The following COL11A2 variants were observed in gnomAD, a reference collection of about 807,000 sequenced individuals.
COL11A2 encodes the protein collagen type XI alpha 2 chain, also known as collagen alpha-2(XI) chain.
Under a neutral mutation model 273.4 loss-of-function variants are expected in COL11A2, and 116 were observed. That is an observed-to-expected ratio of 0.42 (90% CI 0.36 to 0.49). COL11A2 has a LOEUF of 0.49. Among genes scored for constraint, COL11A2 ranks in the 20% least tolerant of loss-of-function variants. COL11A2 has a pLI of 0.00. For synonymous variants in COL11A2, 782 were observed against 864.2 expected (o/e 0.90, Z 1.67); for missense variants, 1,866 against 2,309.0 (o/e 0.81, Z 3.93).
In COL11A2 at chr6:33,179,640, C is replaced by T; in HGVS notation, c.1446+79G>A. Reference sequence around the variant, plus strand: ...TTAACCCCAAACCAACCCAGGCCTCCCCTGCCGCACACTCACTCCAGCCAA... The same window carrying T: ...TTAACCCCAAACCAACCCAGGCCTCTCCTGCCGCACACTCACTCCAGCCAA... On this transcript the variant is annotated intron_variant, in intron 13 of 65. Coordinates refer to ENST00000341947, the MANE Select transcript of COL11A2 (RefSeq NM_080680.3). This position sits in a 1 kb window ranked among gnomAD's most constrained non-coding sequence, Gnocchi z 6.4. 1 of 1,554,570 alleles carries T rather than the reference C, an allele frequency of 6.4e-7. No individual in the cohort carries two copies. The highest frequency in any genetic ancestry group is 8.8e-7 in the Non-Finnish European group (1 of 1,136,886).
rs756211945 is a variant in COL11A2 at position 33,169,577 on chromosome 6, C to A, written c.3691-87G>T. 63 of 1,297,436 alleles carry A rather than the reference C, an allele frequency of 4.9e-5. No individual in the cohort carries two copies. The Admixed American group carries it at 8.1e-4, about 17-fold the overall frequency. The allele number at this position is 1,297,436 out of a possible 1,614,324, so 80.4% of individuals were successfully genotyped here. A position where few individuals can be genotyped will look rare whatever the true frequency, so the allele number is the denominator to read the frequency against. On this transcript the variant is annotated intron_variant, in intron 50 of 65. Transcript: ENST00000341947. The surrounding 1 kb of genome is among the most constrained non-coding windows in gnomAD (Gnocchi z 5.5). ...CTGCTTCCGAGACACCTTCAGCCAT[C>A]CCCTACTCCCCTCAGTGACAATGGG...
chr6:33,163,264 CCT>C lies in COL11A2; in HGVS notation c.*412_*413del, dbSNP rs1372420765. ...GGTGCCGGAGCCCACCCCCGAGACC[CCT>C]GTCTTCAACATCTGCTGATTTTTGT... is the stretch of plus-strand genomic sequence containing the variant. On this transcript the variant is annotated 3_prime_UTR_variant, in exon 66 of 66. Coordinates refer to ENST00000341947, the MANE Select transcript of COL11A2 (RefSeq NM_080680.3). The surrounding 1 kb of genome is among the most constrained non-coding windows in gnomAD (Gnocchi z 4.1). 4 of 223,280 alleles carry C rather than the reference CCT, an allele frequency of 1.8e-5. No homozygotes were observed. Among genetic ancestry groups the C allele is most frequent in the African/African-American group, 4.6e-5 (2 of 43,546 alleles). 13.8% of individuals were successfully genotyped at this position (223,280 alleles called of 1,614,324 possible).
chr6:33,184,392 C>A, intron 7 of COL11A2, 68 bp from the exon 8 acceptor site: 1 of 1,148,780 alleles, frequency 8.7e-7, no homozygotes, highest in South Asian at 1.3e-5. Flanking sequence ...TTACCCTGGA[C>A]CCCAGGGTGT....
At position 33,180,327 on chromosome 6, in the gene COL11A2, G is replaced by C. The variant is rs1289320933; in HGVS notation, c.1290C>G (p.Pro430=). ...ATCCAGGGAGCCCTGCTCGGCCAGGGGGGCCCTGGAGTGGGAAGAGAATGC... is the reference window on the plus strand; with the variant it reads ...ATCCAGGGAGCCCTGCTCGGCCAGGCGGGCCCTGGAGTGGGAAGAGAATGC... ...GPVGDPGERG[P]PGRAGLPGSD... Residue 430 remains proline, a synonymous_variant, in exon 12 of 66, where the codon CCC becomes CCG. Coordinates refer to ENST00000341947, the MANE Select transcript of COL11A2 (RefSeq NM_080680.3). 12 of 1,612,558 alleles carry C rather than the reference G, an allele frequency of 7.4e-6. 1 individual carries two copies. The highest frequency in any genetic ancestry group is 1.0e-5 in the Non-Finnish European group (12 of 1,179,980).
rs1243056196 is a variant in COL11A2 at position 33,167,529 on chromosome 6, T to A, written c.4019A>T (p.Asp1340Val). The part of the protein sequence containing the change: ...GRQGGKGAKG[D>V]PGAIGAPGKT... ...CCCCGGGGCACCTATAGCGCCAGGA[T>A]CTCCCTGAAACACACACAAGGAATG... The change falls in exon 56 of 66, where the codon GAT becomes GTT. Residue 1340 changes from aspartate to valine, a missense_variant. Coordinates refer to ENST00000341947, the MANE Select transcript of COL11A2 (RefSeq NM_080680.3). The surrounding 1 kb of genome is among the most constrained non-coding windows in gnomAD (Gnocchi z 6.1). 1.9e-6 allele frequency: 3 copies of A among 1,612,642 alleles called. No homozygotes were observed. The Admixed American group carries it at 5.0e-5, about 27-fold the overall frequency.
At position 33,178,704 on chromosome 6, in the gene COL11A2, C is replaced by T. The variant is rs781378391; in HGVS notation, c.1694G>A (p.Gly565Glu). Residue 565 changes from glycine (G) to glutamate (E), a missense_variant, in exon 18 of 66, where the codon GGG becomes GAG. Physicochemically the swap from Gly to Glu is moderately conservative, Grantham distance 98 (BLOSUM62 -2). Transcript: ENST00000341947. This position sits in a 1 kb window ranked among gnomAD's most constrained non-coding sequence, Gnocchi z 4.6. ...CCTATGGCCCTTCTCTCCAGGGAGC[C>T]CTGGGAGTCCATCAAAACCTCGGTC... ...KGDRGFDGLP[G>E]LPGEKGHRGD... The T allele has an allele frequency of 6.8e-6, 11 of 1,612,796 alleles. No homozygotes were observed. Among genetic ancestry groups the T allele is most frequent in the Non-Finnish European group, 8.5e-6 (10 of 1,179,942 alleles).
rs778272338 is a variant in COL11A2 at position 33,173,026 on chromosome 6, T to C, written c.2790+34A>G. 1.9e-6 allele frequency: 3 copies of C among 1,605,284 alleles called. No homozygotes were observed. In the East Asian group the frequency reaches 6.7e-5, roughly 36 times the overall value. On this transcript the variant is annotated intron_variant, in intron 38 of 65. Transcript: ENST00000341947. The surrounding 1 kb of genome is among the most constrained non-coding windows in gnomAD (Gnocchi z 6.3). ...AGGGGCAGACAGACTAATGCTAGGG[T>C]CAGGGGTCCATTCTCTCCTAGGGAC...
At chr6:33,184,606 A>C (rs1431548712) in intron 7 of COL11A2, among the ~76,000 whole-genome samples, 1 of 152,214 alleles carries the variant, frequency 6.6e-6, no homozygotes, top group East Asian at 1.9e-4. Flanking sequence ...TGGACAGTCC[A>C]TGGACACAAT....
In COL11A2 at chr6:33,164,245, A is replaced by G. The variant is rs781705149; in HGVS notation, c.5070+22T>C. 1.7e-5 allele frequency: 27 copies of G among 1,612,048 alleles called. No individual in the cohort carries two copies. The highest frequency in any genetic ancestry group is 2.0e-5 in the Non-Finnish European group (24 of 1,179,720). On this transcript the variant is annotated intron_variant, in intron 65 of 65. Coordinates refer to ENST00000341947, the MANE Select transcript of COL11A2 (RefSeq NM_080680.3). The surrounding 1 kb of genome is among the most constrained non-coding windows in gnomAD (Gnocchi z 4.7). ...AGCCTGAGTCTGAGATCAGCCCCCA[A>G]CCCAGCTCTTCCTGTTCCCACCTGG...
At position 33,185,041 on chromosome 6, in the gene COL11A2, C is replaced by G. The variant is rs1347310640; in HGVS notation, c.890G>C (p.Gly297Ala). 1 of 1,551,216 alleles carries G rather than the reference C, an allele frequency of 6.4e-7. No homozygotes were observed. Among genetic ancestry groups the G allele is most frequent in the Non-Finnish European group, 8.7e-7 (1 of 1,146,790 alleles). Reference protein sequence around the residue: ...TTPDYQDPTPGEEEEILESSL... With the variant: ...TTPDYQDPTPAEEEEILESSL... ...CGACTCCAGGATTTCTTCCTCTTCA[C>G]CTGGGGTGGGGTCCTGACCCCAAGG... is the stretch of plus-strand genomic sequence containing the variant. The change falls in exon 7 of 66, where the codon GGT becomes GCT. Residue 297 changes from glycine to alanine, a missense_variant. Coordinates refer to ENST00000341947, the MANE Select transcript of COL11A2 (RefSeq NM_080680.3).
Position 33,188,451 on chromosome 6 carries a change from G to A in COL11A2, c.517C>T (p.Arg173Trp), listed in dbSNP as rs146522169. 1.1e-4 allele frequency: 182 copies of A among 1,612,982 alleles called. No individual in the cohort carries two copies. The African/African-American group carries it at 1.3e-3, about 11-fold the overall frequency. The change falls in exon 4 of 66, where the codon CGG becomes TGG. Residue 173 changes from arginine to tryptophan, a missense_variant. Coordinates refer to ENST00000341947, the MANE Select transcript of COL11A2 (RefSeq NM_080680.3). ...LIVDCKKRVT[R>W]PLPRSARPVL... is the part of the protein sequence containing the mutation. ...GGACGAGCACTTCGGGGGAGAGGCC[G>A]GGTGACTCGCTTCTTGCAGTCAACA...
chr6:33,173,735 C>T lies in COL11A2; in HGVS notation c.2594G>A (p.Gly865Asp), dbSNP rs2150557612. 6.3e-7 allele frequency: 1 copy of T among 1,587,846 alleles called. No individual in the cohort carries two copies. ...AGGGGGCCCATGGGGGCCATCACCA[C>T]CAGATGTTCCCTGTGGGGGGAAACA... ...TGKSGAKGTS[G>D]GDGPHGPPGE... Residue 865 changes from glycine to aspartate, a missense_variant, in exon 35 of 66, where the codon GGT (glycine) becomes GAT (aspartate). Coordinates refer to ENST00000341947, the MANE Select transcript of COL11A2 (RefSeq NM_080680.3). The surrounding 1 kb of genome is among the most constrained non-coding windows in gnomAD (Gnocchi z 6.3).
chr6:33,172,827 C>T (rs544822627), intron 38 of COL11A2, among the ~76,000 whole-genome samples, 190 bp from the exon 39 acceptor site: 1 of 152,238 alleles, frequency 6.6e-6, no homozygotes, highest in South Asian at 2.1e-4. Flanking sequence ...GTAACTACAC[C>T]ACCTTGTGTC....
In COL11A2 at chr6:33,166,022, G is replaced by C. The variant is rs554207689; in HGVS notation, c.4429-38C>G. The C allele has an allele frequency of 6.2e-7, 1 of 1,613,490 alleles. No individual in the cohort carries two copies. Among genetic ancestry groups the C allele is most frequent in the Non-Finnish European group, 8.5e-7 (1 of 1,179,660 alleles). On this transcript the variant is annotated intron_variant, in intron 61 of 65. Coordinates refer to ENST00000341947, the MANE Select transcript of COL11A2 (RefSeq NM_080680.3). The surrounding 1 kb of genome is among the most constrained non-coding windows in gnomAD (Gnocchi z 4.8). The stretch of plus-strand genomic sequence containing the variant: ...AAATCAGGTCATGGAGGGGTCAAGA[G>C]GTCAAGCATGGATCAAGGTCACAGA...
In COL11A2 at chr6:33,173,552, G is replaced by T; in HGVS notation, c.2632C>A (p.Leu878Ile). 1 of 1,539,790 alleles carries T rather than the reference G, an allele frequency of 6.5e-7. No homozygotes were observed. The highest frequency in any genetic ancestry group is 8.8e-7 in the Non-Finnish European group (1 of 1,138,256). The change falls in exon 36 of 66, where the codon CTC becomes ATC. Residue 878 changes from leucine (L) to isoleucine (I), a missense_variant. Transcript: ENST00000341947. The surrounding 1 kb of genome is among the most constrained non-coding windows in gnomAD (Gnocchi z 6.3). ...CCGTTGGGACCCTGAGGTCCAGGGA[G>T]GCCCTAGAGACAGAGGTGGGGGGAG... ...GPHGPPGERG[L>I]PGPQGPNGFP...
Position 33,177,054 on chromosome 6 carries a change from A to G in COL11A2, c.2017-9T>C, listed in dbSNP as rs749835779. On this transcript the variant is annotated splice_polypyrimidine_tract_variant and intron_variant, in intron 24 of 65. Transcript: ENST00000341947. This position sits in a 1 kb window ranked among gnomAD's most constrained non-coding sequence, Gnocchi z 5.9. ...GGCTTCCCTTGAGGACCCTGCAGGA[A>G]GACAAAGAGGCTCAGGGTCACTAGA... The G allele has an allele frequency of 6.2e-7, 1 of 1,612,506 alleles. No individual in the cohort carries two copies. Among genetic ancestry groups the G allele is most frequent in the East Asian group, 2.2e-5 (1 of 44,878 alleles).
In COL11A2 at chr6:33,189,072, C is replaced by G. The variant is rs757173017; in HGVS notation, c.349G>C (p.Gly117Arg). Residue 117 changes from glycine to arginine, a missense_variant, in exon 3 of 66, where the codon GGC becomes CGC. Physicochemically the swap from Gly to Arg is moderately radical, Grantham distance 125 (BLOSUM62 -2). Transcript: ENST00000341947. This position sits in a 1 kb window ranked among gnomAD's most constrained non-coding sequence, Gnocchi z 5.6. ...TCATACAGGAAGCGGACAGGTCGGC[C>G]CAGCTCCAGGCCCAGCTGTCGGACA... is the stretch of plus-strand genomic sequence containing the variant. ...QGVRQLGLELGRPVRFLYEDQ... is the reference protein window; with the variant it reads ...QGVRQLGLELRRPVRFLYEDQ... 3.1e-6 allele frequency: 5 copies of G among 1,614,146 alleles called. No individual in the cohort carries two copies. Among genetic ancestry groups the G allele is most frequent in the Admixed American group, 1.7e-5 (1 of 60,012 alleles).
chr6:33,169,525 G>A lies in COL11A2; in HGVS notation c.3691-35C>T. ...AAGCGGAGGACACAGATGGCCCAGG[G>A]AATCTTGAAGATCAGGGATGCAGCC... On this transcript the variant is annotated intron_variant, in intron 50 of 65. Transcript: ENST00000341947. The surrounding 1 kb of genome is among the most constrained non-coding windows in gnomAD (Gnocchi z 5.5). The A allele has an allele frequency of 1.3e-6, 2 of 1,593,700 alleles. No individual in the cohort carries two copies. Among genetic ancestry groups the A allele is most frequent in the Non-Finnish European group, 1.7e-6 (2 of 1,163,516 alleles).
chr6:33,187,546 G>A (rs969879407), intron 4 of COL11A2, among the ~76,000 whole-genome samples: 2 of 152,148 alleles, frequency 1.3e-5, no homozygotes, highest in African/African-American at 4.8e-5. Flanking sequence ...TGGATGGGTG[G>A]CTGGGGGCTT....
Sources: gnomAD v4.1 joint callset for allele counts (sites outside exome capture counted in the v4.1 genomes callset) on GRCh38, gnomAD v4.1.1 for gene constraint, Gnocchi (gnomAD v3.1) non-coding constraint, MANE v1.5 for transcripts, NCBI Gene and HGNC (gene_info 2026-07-23, HGNC 2026-07-21) for gene names.